The following RBFOX1 variants were observed in gnomAD, a reference collection of about 807,000 sequenced individuals.
RBFOX1 encodes RNA binding protein fox-1 homolog 1.
In RBFOX1, 8 loss-of-function variants were observed where a neutral mutation model predicts 57.7. The ratio of observed to expected loss-of-function variants is 0.14; its 90% CI spans 0.08 to 0.25. The LOEUF is 0.25. RBFOX1 is among the 10% of genes least tolerant of loss of function. RBFOX1 has a pLI of 1.00. For missense variants in RBFOX1, 611 were observed against 548.5 expected (o/e 1.11, Z -1.14); for synonymous variants, 326 against 222.4 (o/e 1.47, Z -4.15).
intron 3 of RBFOX1, among the ~76,000 whole-genome samples, chr16:6,729,967 T>C (rs1280860586): frequency 6.6e-6 from 1 of 152,038 alleles, no homozygotes; most frequent in East Asian, 1.9e-4. Flanking sequence ...ACTCAGATCC[T>C]GATGCCAACA....
At chr16:6,450,064 A>G (rs2094558754) in intron 2 of RBFOX1, among the ~76,000 whole-genome samples, 1 of 152,060 alleles carries the variant, frequency 6.6e-6, no homozygotes, top group Admixed American at 6.6e-5. Context: ...GATAGTAAGA[A>G]ACAGGCATGC....
At chr16:6,812,098 A>G (rs746792460) in intron 3 of RBFOX1, among the ~76,000 whole-genome samples, 1 of 152,130 alleles carries the variant, frequency 6.6e-6, no homozygotes, top group Admixed American at 6.5e-5. Flanking sequence ...CATATGATGA[A>G]GAAGCCTTCA....
chr16:7,598,708 A>C (rs1275187422), intron 9 of RBFOX1, among the ~76,000 whole-genome samples: 1 of 152,174 alleles, frequency 6.6e-6, no homozygotes, highest in African/African-American at 2.4e-5. Flanking sequence ...TATGTGAATG[A>C]TATAAGGATA....
intron 4 of RBFOX1, among the ~76,000 whole-genome samples, chr16:5,939,816 C>G (rs1209427322): frequency 6.6e-6 from 1 of 152,258 alleles, no homozygotes; most frequent in East Asian, 1.9e-4. Flanking sequence ...AAGCCACAGC[C>G]ATACCCTGAC....
chr16:7,284,121 C>G (rs1034789324), intron 4 of RBFOX1, among the ~76,000 whole-genome samples: 2 of 152,166 alleles, frequency 1.3e-5, no homozygotes, highest in African/African-American at 4.8e-5. Context: ...TTCCTTCTTC[C>G]CTTTTATTGC....
chr16:5,682,086 C>G (rs1044755703), intron 3 of RBFOX1, among the ~76,000 whole-genome samples: 4 of 152,156 alleles, frequency 2.6e-5, no homozygotes, highest in Admixed American at 1.3e-4. Flanking sequence ...TTATGTAGGA[C>G]AGCATTACAG....
intron 1 of RBFOX1, among the ~76,000 whole-genome samples, chr16:6,027,781 C>T (rs1466689968): frequency 2.0e-5 from 3 of 152,120 alleles, no homozygotes; most frequent in African/African-American, 7.2e-5. Flanking sequence ...GAATGTGCTT[C>T]GTATATTTTC....
chr16:6,118,069 A>C (rs995955492), intron 1 of RBFOX1, among the ~76,000 whole-genome samples: 1 of 152,202 alleles, frequency 6.6e-6, no homozygotes, highest in African/African-American at 2.4e-5. Flanking sequence ...AGTCCAGAGA[A>C]TTTCTGTATA....
intron 4 of RBFOX1, among the ~76,000 whole-genome samples, chr16:5,945,390 T>TCTG (rs1037560902): frequency 2.0e-5 from 3 of 152,210 alleles, no homozygotes; most frequent in East Asian, 1.9e-4. Context: ...GGAATGGTAT[T>TCTG]CTGCTGCTGC....
chr16:6,522,134 A>G (rs1024872862), intron 2 of RBFOX1, among the ~76,000 whole-genome samples: 7 of 149,322 alleles, frequency 4.7e-5, no homozygotes, highest in African/African-American at 1.5e-4. Context: ...GTATCTTTTA[A>G]TGGCACTCTG....
chr16:6,712,584 C>T (rs1294427876), intron 3 of RBFOX1, among the ~76,000 whole-genome samples: 2 of 152,216 alleles, frequency 1.3e-5, no homozygotes, highest in South Asian at 4.2e-4. Context: ...CAATGTCATC[C>T]ATGGCAAGAT....
chr16:6,947,524 A>G (rs527261163), intron 3 of RBFOX1, among the ~76,000 whole-genome samples: 4 of 152,300 alleles, frequency 2.6e-5, no homozygotes, highest in South Asian at 2.1e-4. Flanking sequence ...GAGATGTGAG[A>G]TGAGAGAAAT....
At chr16:6,056,160 TC>T (rs1319072999) in intron 1 of RBFOX1, among the ~76,000 whole-genome samples, 1 of 152,106 alleles carries the variant, frequency 6.6e-6, no homozygotes, top group Non-Finnish European at 1.5e-5. Flanking sequence ...TTGTGTCAGC[TC>T]CCCAAGGTGT....
intron 3 of RBFOX1, among the ~76,000 whole-genome samples, chr16:6,962,439 T>G (rs1249600934): frequency 6.6e-6 from 1 of 152,168 alleles, no homozygotes; most frequent in Non-Finnish European, 1.5e-5. Context: ...CTTTTTCTGT[T>G]ACATATATGA....
chr16:6,082,881 C>T (rs1300251512), intron 1 of RBFOX1, among the ~76,000 whole-genome samples: 1 of 152,176 alleles, frequency 6.6e-6, no homozygotes, highest in Non-Finnish European at 1.5e-5. Flanking sequence ...ATAGGAAGTG[C>T]TTATCACGGA....
intron 2 of RBFOX1, among the ~76,000 whole-genome samples, chr16:6,420,967 C>G (rs952445228): frequency 1.3e-5 from 2 of 152,184 alleles, no homozygotes; most frequent in African/African-American, 2.4e-5. Flanking sequence ...CTCTTTCTTC[C>G]AATGGCCCCT....
intron 1 of RBFOX1, among the ~76,000 whole-genome samples, chr16:6,024,780 A>C (rs914016519): frequency 5.3e-5 from 8 of 152,346 alleles, no homozygotes; most frequent in Middle Eastern, 3.4e-3. Flanking sequence ...CACCACGCCC[A>C]GCCTCATTCA....
chr16:7,435,572 A>C (rs1407879613), intron 4 of RBFOX1, among the ~76,000 whole-genome samples: 1 of 152,180 alleles, frequency 6.6e-6, no homozygotes, highest in Non-Finnish European at 1.5e-5. Context: ...TACATCCATG[A>C]GGCTTTTCAG....
chr16:5,548,662 A>C (rs1405034488), intron 2 of RBFOX1, among the ~76,000 whole-genome samples: 1 of 152,142 alleles, frequency 6.6e-6, no homozygotes, highest in African/African-American at 2.4e-5. Flanking sequence ...TTAAAAATAA[A>C]AAAAAACTAA....
Sources: allele counts gnomAD v4.1 joint callset (sites outside exome capture counted in the v4.1 genomes callset), GRCh38; gene constraint gnomAD v4.1.1; transcripts MANE v1.5; gene names NCBI Gene and HGNC (gene_info 2026-07-23, HGNC 2026-07-21).